FSHR: variants seen among roughly 807,000 people sequenced by gnomAD.
FSHR encodes the protein follicle stimulating hormone receptor.
In FSHR, 46 loss-of-function variants were observed where a neutral mutation model predicts 52.1. The ratio of observed to expected loss-of-function variants is 0.88; its 90% CI spans 0.70 to 1.13. The LOEUF (loss-of-function observed/expected upper bound fraction) is 1.13, where lower values mean the gene tolerates loss of function less well. Among genes scored for constraint, FSHR ranks in the 50% most tolerant of loss-of-function variants. FSHR has a pLI of 0.00. For missense variants in FSHR, 964 were observed against 834.6 expected (o/e 1.16, Z -1.91); for synonymous variants, 399 against 309.6 (o/e 1.29, Z -3.03).
intron 1 of FSHR, among the ~76,000 whole-genome samples, chr2:49,114,994 AGTTT>A (rs1351912972): frequency 6.6e-6 from 1 of 151,688 alleles, no homozygotes; most frequent in Non-Finnish European, 1.5e-5. Flanking sequence ...TTGGTTGAAA[AGTTT>A]GTTTGGCCCC....
At chr2:49,036,482 T>C (rs1047394033) in intron 2 of FSHR, among the ~76,000 whole-genome samples, 1 of 147,968 alleles carries the variant, frequency 6.8e-6, no homozygotes, top group African/African-American at 2.5e-5. Flanking sequence ...TACCTATTTC[T>C]CTATATTTGC....
intron 1 of FSHR, among the ~76,000 whole-genome samples, chr2:49,090,051 A>T (rs1363847469): frequency 6.6e-6 from 1 of 152,080 alleles, no homozygotes; most frequent in Non-Finnish European, 1.5e-5. Context: ...TTATCACATG[A>T]TCTTGCTTTT....
intron 1 of FSHR, among the ~76,000 whole-genome samples, chr2:49,081,458 T>C (rs1443800673): frequency 1.3e-5 from 2 of 152,154 alleles, no homozygotes; most frequent in Non-Finnish European, 2.9e-5. Context: ...GCTTGAAATA[T>C]TTCATAATTA....
At chr2:49,122,859 T>C (rs182258310) in intron 1 of FSHR, among the ~76,000 whole-genome samples, 30 of 152,332 alleles carry the variant, frequency 2.0e-4, no homozygotes, top group South Asian at 2.1e-4. Context: ...GGGAAGGTCA[T>C]GTCACCTTTC....
At chr2:49,127,338 A>T (rs1022556947) in intron 1 of FSHR, among the ~76,000 whole-genome samples, 1 of 152,126 alleles carries the variant, frequency 6.6e-6, no homozygotes, top group Non-Finnish European at 1.5e-5. Context: ...AGAAAAAAAA[A>T]AAAAGAAAAA....
intron 1 of FSHR, among the ~76,000 whole-genome samples, chr2:49,107,107 T>C (rs920287570): frequency 6.6e-5 from 10 of 152,168 alleles, no homozygotes; most frequent in Non-Finnish European, 1.3e-4. Flanking sequence ...CTCCTCGCCA[T>C]TTATGAACAA....
At chr2:49,127,811 C>G (rs1558456450) in intron 1 of FSHR, among the ~76,000 whole-genome samples, 1 of 51,552 alleles carries the variant, frequency 1.9e-5, no homozygotes, top group Non-Finnish European at 3.5e-5. Flanking sequence ...TCTTCTTCTT[C>G]TTCTTCTTCT....
At chr2:49,023,294 T>C (rs1443748198) in intron 2 of FSHR, among the ~76,000 whole-genome samples, 1 of 152,226 alleles carries the variant, frequency 6.6e-6, no homozygotes, top group Non-Finnish European at 1.5e-5. Flanking sequence ...TCTGTTTTTG[T>C]ATCTCTAGCA....
chr2:49,002,147 A>G (rs1045011540), intron 4 of FSHR, among the ~76,000 whole-genome samples: 2 of 152,136 alleles, frequency 1.3e-5, no homozygotes, highest in South Asian at 2.1e-4. Context: ...GGTCTTTTGT[A>G]AGACTAGTTA....
intron 2 of FSHR, among the ~76,000 whole-genome samples, chr2:49,051,991 T>C (rs1379733416): frequency 6.6e-6 from 1 of 152,108 alleles, no homozygotes; most frequent in Non-Finnish European, 1.5e-5. Flanking sequence ...ACTTTTGGGA[T>C]ATAGATGATG....
chr2:49,021,757 T>C (rs1331002435), intron 2 of FSHR, among the ~76,000 whole-genome samples: 1 of 150,648 alleles, frequency 6.6e-6, no homozygotes, highest in Non-Finnish European at 1.5e-5. Flanking sequence ...TAATAACATC[T>C]TTCATGATTT....
rs1485109554 is a variant in FSHR at position 49,154,420 on chromosome 2, T to C, written c.-3A>G. Reference sequence around the variant, plus strand: ...AAAGAGACCAGGAGCAGGGCCATAATTATGCATCCATCCACCTGATTTCTT... The same window carrying C: ...AAAGAGACCAGGAGCAGGGCCATAACTATGCATCCATCCACCTGATTTCTT... On this transcript the variant is annotated 5_prime_UTR_variant, in exon 1 of 10. An upstream open reading frame in the 5' UTR loses its in-frame stop. Transcript: ENST00000406846. 6.2e-7 allele frequency: 1 copy of C among 1,612,142 alleles called. No individual in the cohort carries two copies. The highest frequency in any genetic ancestry group is 1.1e-5 in the South Asian group (1 of 90,990).
At chr2:48,993,919 G>A (rs984327923) in intron 4 of FSHR, among the ~76,000 whole-genome samples, 5 of 152,034 alleles carry the variant, frequency 3.3e-5, no homozygotes, top group African/African-American at 9.7e-5. Flanking sequence ...ACTAAATTCT[G>A]GCCCCTGATT....
chr2:49,130,799 A>G (rs987202676), intron 1 of FSHR, among the ~76,000 whole-genome samples: 2 of 152,154 alleles, frequency 1.3e-5, no homozygotes, highest in Non-Finnish European at 2.9e-5. Context: ...ATTATTCCCT[A>G]CTGGTGAGGG....
chr2:48,971,193 C>G (rs1437314140), intron 8 of FSHR, among the ~76,000 whole-genome samples: 2 of 152,210 alleles, frequency 1.3e-5, no homozygotes, highest in African/African-American at 4.8e-5. Context: ...CTACGCTCTT[C>G]TCTGTGTTGC....
chr2:48,987,283 A>C (rs1246300748), intron 6 of FSHR, among the ~76,000 whole-genome samples: 1 of 152,088 alleles, frequency 6.6e-6, no homozygotes, highest in East Asian at 1.9e-4. Context: ...GGCTCACTGC[A>C]AACTCTGCCT....
chr2:49,075,416 T>C lies in FSHR; in HGVS notation c.153-7126A>G, dbSNP rs1669913786. Among the ~76,000 whole-genome samples the C allele has an allele frequency of 2.0e-5, 3 of 149,752 alleles. No homozygotes were observed. In the South Asian group the frequency reaches 6.5e-4, roughly 32 times the overall value. On this transcript the variant is annotated intron_variant, in intron 1 of 9. Coordinates refer to ENST00000406846, the MANE Select transcript of FSHR (RefSeq NM_000145.4). ...TGGAAAGAAAGAATAAAGAGAAGAATAAAAATTCATTAAAAATAACAATAA... is the reference window on the plus strand; with the variant it reads ...TGGAAAGAAAGAATAAAGAGAAGAACAAAAATTCATTAAAAATAACAATAA...
At chr2:49,075,845 G>T (rs1021882311) in intron 1 of FSHR, among the ~76,000 whole-genome samples, 1 of 151,884 alleles carries the variant, frequency 6.6e-6, no homozygotes, top group Non-Finnish European at 1.5e-5. Context: ...TTACCATATT[G>T]CCCAGGCTGG....
intron 2 of FSHR, among the ~76,000 whole-genome samples, chr2:49,046,528 A>G (rs557077456): frequency 3.3e-5 from 5 of 152,336 alleles, no homozygotes; most frequent in Admixed American, 3.3e-4. Flanking sequence ...AGATAAGACA[A>G]TGCATATAAA....
Sources: gnomAD v4.1 joint callset for allele counts (sites outside exome capture counted in the v4.1 genomes callset) on GRCh38, gnomAD v4.1.1 for gene constraint, MANE v1.5 for transcripts, NCBI Gene and HGNC (gene_info 2026-07-23, HGNC 2026-07-21) for gene names.